Variants in RUNDC1 observed in about 807,000 individuals in gnomAD.
RUNDC1 encodes RUN domain-containing protein 1.
Under a neutral mutation model 49.3 loss-of-function variants are expected in RUNDC1, and 31 were observed. The observed-to-expected ratio is 0.63, with a 90% CI of 0.47 to 0.85. The LOEUF (loss-of-function observed/expected upper bound fraction) is 0.85. Ranked by LOEUF, RUNDC1 falls within the 40% of genes least tolerant of loss-of-function variation. The probability of loss-of-function intolerance (pLI) is 0.00; values close to 1 mark genes in which losing one functional copy is unlikely to be tolerated. For synonymous variants in RUNDC1, 347 were observed against 348.6 expected, an observed-to-expected ratio of 1.00 and a Z score of 0.05; for missense variants, 715 against 806.7, an observed-to-expected ratio of 0.89 and a Z score of 1.38.
rs146556391 is a variant in RUNDC1, at chr17:42,986,830, C to T, written c.499-426C>T. 2.7e-4 allele frequency among the ~76,000 whole-genome samples: 41 copies of T among 152,266 alleles called. No individual in the cohort carries two copies. The East Asian group carries it at 7.5e-3, about 28-fold the overall frequency. The stretch of plus-strand genomic sequence containing the variant: ...TTATGAGTTTTAAAGCCTCTCTCCA[C>T]ACCCTTACCCCAGATTCTTTTGCAA... On this transcript the variant is annotated intron_variant, in intron 1 of 4. Transcript: ENST00000361677.
intron 1 of RUNDC1, 163 bp downstream of exon 1, chr17:42,981,237 G>A (rs921575384): frequency 2.0e-5 from 18 of 907,734 alleles, no homozygotes; most frequent in East Asian, 3.1e-5. Context: ...CCGGCTGAAG[G>A]GCAAGAGGAC....
In RUNDC1 at chr17:42,991,214, C is replaced by T. The variant is rs746737893; in HGVS notation, c.1340C>T (p.Pro447Leu). 47 of 1,614,230 alleles carry T rather than the reference C, an allele frequency of 2.9e-5. No individual in the cohort carries two copies. The highest frequency in any genetic ancestry group is 4.0e-5 in the Non-Finnish European group (47 of 1,180,038). ...LLAHGLYASS[P>L]GMSLVMAPIA... ...GCCCATGGACTGTATGCCTCCTCCCCAGGGATGAGCCTTGTTATGGCTCCT... is the reference window on the plus strand; with the variant it reads ...GCCCATGGACTGTATGCCTCCTCCCTAGGGATGAGCCTTGTTATGGCTCCT... Residue 447 changes from proline (P) to leucine (L), a missense_variant, in exon 5 of 5, where the codon CCA becomes CTA. This residue lies in a region of RUNDC1 where 425 missense variants were observed against 499.7 expected (regional missense o/e 0.85). Coordinates refer to ENST00000361677, the MANE Select transcript of RUNDC1 (RefSeq NM_173079.5).
At position 42,994,485 on chromosome 17, in the gene RUNDC1, A is replaced by G. The variant is rs2050283206; in HGVS notation, c.*2769A>G. 6.6e-6 allele frequency among the ~76,000 whole-genome samples: 1 copy of G among 152,186 alleles called. No individual in the cohort carries two copies. The highest frequency in any genetic ancestry group is 1.5e-5 in the Non-Finnish European group (1 of 68,026). Reference sequence around the variant, plus strand: ...GTCAAGTTTTCTGAATCCAGAGCCCACAGTCTATCTTTTCACTTCATTGTA... The same window carrying G: ...GTCAAGTTTTCTGAATCCAGAGCCCGCAGTCTATCTTTTCACTTCATTGTA... On this transcript the variant is annotated 3_prime_UTR_variant, in exon 5 of 5. Coordinates refer to ENST00000361677, the MANE Select transcript of RUNDC1 (RefSeq NM_173079.5).
chr17:42,989,232 G>T, intron 2 of RUNDC1, 109 bp from the exon 3 acceptor site: 1 of 752,724 alleles, frequency 1.3e-6, no homozygotes. Flanking sequence ...CAAATTTAGA[G>T]GTCTGTTTTT....
chr17:42,990,874 G>T lies in RUNDC1; in HGVS notation c.1000G>T (p.Val334Phe). 6.3e-7 allele frequency: 1 copy of T among 1,599,920 alleles called. No individual in the cohort carries two copies. The highest frequency in any genetic ancestry group is 8.5e-7 in the Non-Finnish European group (1 of 1,169,754). ...SKTKAEDVKK[V>F]RETGLHLMRR... ...AGCAAAGGCAGAGGATGTGAAGAAAGTCCGGGAGACGGGGCTGCACCTGAT... is the reference window on the plus strand; with the variant it reads ...AGCAAAGGCAGAGGATGTGAAGAAATTCCGGGAGACGGGGCTGCACCTGAT... The change falls in exon 5 of 5, where the codon GTC (valine) becomes TTC (phenylalanine). Residue 334 changes from valine (V) to phenylalanine (F), a missense_variant. This residue lies in a region of RUNDC1 where 425 missense variants were observed against 499.7 expected (regional missense o/e 0.85). Coordinates refer to ENST00000361677, the MANE Select transcript of RUNDC1 (RefSeq NM_173079.5).
In RUNDC1 at chr17:42,993,249, G is replaced by A. The variant is rs920139913; in HGVS notation, c.*1533G>A. 6.6e-6 allele frequency: 1 copy of A among 152,186 alleles called. No individual in the cohort carries two copies. Among genetic ancestry groups the A allele is most frequent in the Non-Finnish European group, 1.5e-5 (1 of 68,056 alleles). The allele number at this position is 152,186 out of a possible 1,614,324, so 9.4% of individuals were successfully genotyped here. On this transcript the variant is annotated 3_prime_UTR_variant, in exon 5 of 5. Coordinates refer to ENST00000361677, the MANE Select transcript of RUNDC1 (RefSeq NM_173079.5). ...TCATTGTGAAACAGACTCTAGAGTG[G>A]TTCTATTTGGTCTTCAGTGTTTTAG...
At chr17:42,983,375 C>CTTTTTTTTTTTT (rs1179147349) in intron 1 of RUNDC1, among the ~76,000 whole-genome samples, 1 of 129,554 alleles carries the variant, frequency 7.7e-6, no homozygotes, top group African/African-American at 2.9e-5. Flanking sequence ...TTTCTTTTTC[C>CTTTTTTTTTTTT]TTTTTTTTTT....
intron 1 of RUNDC1, 70 bp from the exon 2 acceptor site, chr17:42,987,186 G>T: frequency 1.7e-6 from 2 of 1,186,810 alleles, no homozygotes; most frequent in South Asian, 1.3e-5. Flanking sequence ...TTACTGGCTC[G>T]AGCAGATTCT....
Position 42,989,434 on chromosome 17 carries a change from G to A in RUNDC1, c.751G>A (p.Ala251Thr). The change falls in exon 3 of 5, where the codon GCA becomes ACA. Residue 251 changes from alanine (A) to threonine (T), a missense_variant. Physicochemically the swap from Ala to Thr is moderately conservative, Grantham distance 58. Coordinates refer to ENST00000361677, the MANE Select transcript of RUNDC1 (RefSeq NM_173079.5). ...TGAAGAGCTTCGTCAGCGTGTAGATGCAGCAGTGGCTCAGATCGTCAACCC... is the reference window on the plus strand; with the variant it reads ...TGAAGAGCTTCGTCAGCGTGTAGATACAGCAGTGGCTCAGATCGTCAACCC... ...STEELRQRVDAAVAQIVNPAR... is the reference protein window; with the variant it reads ...STEELRQRVDTAVAQIVNPAR... 6.2e-7 allele frequency: 1 copy of A among 1,613,450 alleles called. No homozygotes were observed. The highest frequency in any genetic ancestry group is 8.5e-7 in the Non-Finnish European group (1 of 1,179,782).
At position 42,991,053 on chromosome 17, in the gene RUNDC1, G is replaced by A; in HGVS notation, c.1179G>A (p.Lys393=). The A allele has an allele frequency of 6.2e-7, 1 of 1,614,166 alleles. No homozygotes were observed. Among genetic ancestry groups the A allele is most frequent in the South Asian group, 1.1e-5 (1 of 91,078 alleles). The stretch of plus-strand genomic sequence containing the variant: ...TGGAGGTGTCAGTGGACAGAGTGAA[G>A]CAGCTAGCCTTGAGGCAGCAGCCAC... ...KRLEVSVDRV[K]QLALRQQPHD... is the part of the protein sequence containing the mutation. Residue 393 remains lysine, a synonymous_variant, in exon 5 of 5, where the codon AAG becomes AAA. Coordinates refer to ENST00000361677, the MANE Select transcript of RUNDC1 (RefSeq NM_173079.5).
rs766728617 is a variant in RUNDC1, at chr17:42,991,180, G to A, written c.1306G>A (p.Asp436Asn). Residue 436 changes from aspartate to asparagine, a missense_variant, in exon 5 of 5, where the codon GAC becomes AAC. Coordinates refer to ENST00000361677, the MANE Select transcript of RUNDC1 (RefSeq NM_173079.5). ...GAAGGAGCTAACGGTGGCTGTGAGG[G>A]ACCTGCTGGCCCATGGACTGTATGC... The part of the protein sequence containing the change: ...VRKELTVAVR[D>N]LLAHGLYASS... The A allele has an allele frequency of 3.1e-6, 5 of 1,614,184 alleles. No individual in the cohort carries two copies. The Admixed American group carries it at 6.7e-5, about 22-fold the overall frequency.
Position 42,980,758 on chromosome 17 carries a change from C to T in RUNDC1, c.182C>T (p.Thr61Met). 1.3e-6 allele frequency: 2 copies of T among 1,514,798 alleles called. No individual in the cohort carries two copies. Among genetic ancestry groups the T allele is most frequent in the South Asian group, 1.2e-5 (1 of 82,710 alleles). The allele number at this position is 1,514,798 out of a possible 1,614,324, so 93.8% of individuals were successfully genotyped here. A position where few individuals can be genotyped will look rare whatever the true frequency, so the allele number is the denominator to read the frequency against. The change falls in exon 1 of 5, where the codon ACG becomes ATG. Residue 61 changes from threonine to methionine, a missense_variant. By Grantham distance (81) the Thr-to-Met change is moderately conservative. This residue lies in a region of RUNDC1 where 153 missense variants were observed against 139.4 expected (regional missense o/e 1.10). Transcript: ENST00000361677. ...GCAACCGCGTTTTTAGAAGAGGCGA[C>T]GGCCGAGGAGCCTGGCGCGGCCCCG... ...PGATAFLEEA[T>M]AEEPGAAPGS...
chr17:42,993,286 C>G lies in RUNDC1; in HGVS notation c.*1570C>G, dbSNP rs905063548. The G allele has an allele frequency of 1.3e-5, 2 of 152,166 alleles. No individual in the cohort carries two copies. Among genetic ancestry groups the G allele is most frequent in the African/African-American group, 4.8e-5 (2 of 41,420 alleles). 9.4% of individuals were successfully genotyped at this position (152,166 alleles called of 1,614,324 possible). The stretch of plus-strand genomic sequence containing the variant: ...CTTCAGTGTTTTAGCCTCGTTAGTT[C>G]ATATTTGGCATGCAGCTTGTGGTGA... On this transcript the variant is annotated 3_prime_UTR_variant, in exon 5 of 5. Transcript: ENST00000361677.
In RUNDC1 at chr17:42,991,259, C is replaced by T. The variant is rs2050236862; in HGVS notation, c.1385C>T (p.Ala462Val). Residue 462 changes from alanine to valine, a missense_variant, in exon 5 of 5, where the codon GCC (alanine) becomes GTC (valine). By Grantham distance (64) the Ala-to-Val change is moderately conservative (BLOSUM62 0). Coordinates refer to ENST00000361677, the MANE Select transcript of RUNDC1 (RefSeq NM_173079.5). ...GCTCCTATTGCTTGTTTGCTGCCAG[C>T]CTTCTCCTCGGCCCCAGAGGCCATG... Reference protein sequence around the residue: ...VMAPIACLLPAFSSAPEAMHP... With the variant: ...VMAPIACLLPVFSSAPEAMHP... The T allele has an allele frequency of 2.5e-6, 4 of 1,614,108 alleles. No individual in the cohort carries two copies. Among genetic ancestry groups the T allele is most frequent in the Non-Finnish European group, 3.4e-6 (4 of 1,180,048 alleles).
rs1214716382 is a variant in RUNDC1 at position 42,993,590 on chromosome 17, G to A, written c.*1874G>A. On this transcript the variant is annotated 3_prime_UTR_variant, in exon 5 of 5. Transcript: ENST00000361677. ...GATGCTAATGAAATCATAGTATTTT[G>A]TGTAGCTTCTCTGAAGACCTTAGAG... 1 of 152,140 alleles carries A rather than the reference G, an allele frequency of 6.6e-6. No individual in the cohort carries two copies. Among genetic ancestry groups the A allele is most frequent in the Non-Finnish European group, 1.5e-5 (1 of 68,024 alleles). The allele number at this position is 152,140 out of a possible 1,614,324, so 9.4% of individuals were successfully genotyped here. A position where few individuals can be genotyped will look rare whatever the true frequency, so the allele number is the denominator to read the frequency against.
chr17:42,989,560 G>A (rs1412234391), intron 3 of RUNDC1, 21 bp downstream of exon 3: 1 of 1,595,838 alleles, frequency 6.3e-7, no homozygotes, highest in Non-Finnish European at 8.6e-7. Flanking sequence ...GGGATGGGAT[G>A]AGAAGGGTGG....
rs1467113657 is a variant in RUNDC1, at chr17:42,993,882, T to G, written c.*2166T>G. ...GAATGGAGACCTTTTTTTTTTGAGA[T>G]GGAGTCTCGCTCTGTTGTCCAGGCT... On this transcript the variant is annotated 3_prime_UTR_variant, in exon 5 of 5. Coordinates refer to ENST00000361677, the MANE Select transcript of RUNDC1 (RefSeq NM_173079.5). 1.3e-5 allele frequency among the ~76,000 whole-genome samples: 2 copies of G among 152,118 alleles called. No individual in the cohort carries two copies. Among genetic ancestry groups the G allele is most frequent in the African/African-American group, 2.4e-5 (1 of 41,420 alleles).
At position 42,980,705 on chromosome 17, in the gene RUNDC1, G is replaced by T. The variant is rs17853898; in HGVS notation, c.129G>T (p.Val43=). The T allele has an allele frequency of 1.6e-4, 251 of 1,557,876 alleles. No homozygotes were observed. The highest frequency in any genetic ancestry group is 2.0e-4 in the Non-Finnish European group (236 of 1,155,280). Residue 43 remains valine (V), a synonymous_variant, in exon 1 of 5, where the codon GTG becomes GTT. Transcript: ENST00000361677. ...GCGAGGCGGTGCGCTGGGCCCCAGT[G>T]GGGGCGGTGGCGGAGGCCCGGCCTG... is the stretch of plus-strand genomic sequence containing the variant. ...PPCEAVRWAP[V]GAVAEARPGA...
In RUNDC1 at chr17:42,992,657, C is replaced by T. The variant is rs1261703289; in HGVS notation, c.*941C>T. On this transcript the variant is annotated 3_prime_UTR_variant, in exon 5 of 5. Transcript: ENST00000361677. ...TTCACTTGAAGCAGGTTTGAGAGGC[C>T]TAGGCCAGAATTTAAATTCCTTTTA... 1.3e-5 allele frequency: 2 copies of T among 151,944 alleles called. No homozygotes were observed. Among genetic ancestry groups the T allele is most frequent in the Non-Finnish European group, 2.9e-5 (2 of 68,016 alleles). 9.4% of individuals were successfully genotyped at this position (151,944 alleles called of 1,614,324 possible).
Sources: gnomAD v4.1 joint callset for allele counts (sites outside exome capture counted in the v4.1 genomes callset) on GRCh38, gnomAD v4.1.1 for gene constraint, gnomAD v4.1.1 regional missense constraint, MANE v1.5 for transcripts, NCBI Gene and HGNC (gene_info 2026-07-23, HGNC 2026-07-21) for gene names.